The following DAB2 variants were observed in gnomAD, a reference collection of about 807,000 sequenced individuals.
DAB2 encodes the protein disabled homolog 2.
A neutral mutation model predicts 71.6 loss-of-function variants in DAB2; 28 were observed. The ratio of observed to expected loss-of-function variants is 0.39; its 90% CI spans 0.29 to 0.54. The LOEUF (loss-of-function observed/expected upper bound fraction) is 0.54. Among genes scored for constraint, DAB2 ranks in the 20% least tolerant of loss-of-function variants. The probability of loss-of-function intolerance (pLI) is 0.68; values close to 1 mark genes in which losing one functional copy is unlikely to be tolerated. For missense variants in DAB2, 867 were observed against 928.8 expected, an observed-to-expected ratio of 0.93 and a Z score of 0.86; for synonymous variants, 345 against 339.7, an observed-to-expected ratio of 1.02 and a Z score of -0.17.
chr5:39,406,581 T>C (rs1266255285), intron 1 of DAB2, among the ~76,000 whole-genome samples: 1 of 152,208 alleles, frequency 6.6e-6, no homozygotes. Flanking sequence ...TTGGTATTTC[T>C]AGTTTTGAAG....
In DAB2 at chr5:39,403,108, G is replaced by A. The variant is rs73752511; in HGVS notation, c.-101-8687C>T. Among the ~76,000 whole-genome samples the A allele has an allele frequency of 4.2e-3, 632 of 152,264 alleles. 4 individuals carry two copies. Among genetic ancestry groups the A allele is most frequent in the African/African-American group, 0.014 (584 of 41,558 alleles). On this transcript the variant is annotated intron_variant, in intron 1 of 14. Coordinates refer to ENST00000320816, the MANE Select transcript of DAB2 (RefSeq NM_001343.4). ...ATACTGACCTATGTGAGGTGCGATG[G>A]TTTACTTTAACAACGCTTTATCTGC...
Position 39,376,951 on chromosome 5 carries a change from G to C in DAB2, c.1836C>G (p.His612Gln), listed in dbSNP as rs750353876. 20 of 1,614,036 alleles carry C rather than the reference G, an allele frequency of 1.2e-5. No individual in the cohort carries two copies. In the Admixed American group the frequency reaches 3.3e-4, roughly 27 times the overall value. The change falls in exon 12 of 15, where the codon CAC becomes CAG. Residue 612 changes from histidine (H) to glutamine (Q), a missense_variant. By Grantham distance (24) the His-to-Gln change is conservative. Around this residue, in one of 2 missense-constraint regions of DAB2, gnomAD observed 740 missense variants for 734.3 expected, o/e 1.01. Coordinates refer to ENST00000320816, the MANE Select transcript of DAB2 (RefSeq NM_001343.4). ...PAVSTQPPSMHSSLLVTPPQP... is the reference protein window; with the variant it reads ...PAVSTQPPSMQSSLLVTPPQP... ...GAGGAGGAGTGACCAGGAGAGAGGA[G>C]TGCATGGATGGGGGCTGAGTGGACA...
chr5:39,408,201 G>A (rs954063154), intron 1 of DAB2, among the ~76,000 whole-genome samples: 1 of 152,224 alleles, frequency 6.6e-6, no homozygotes, highest in Non-Finnish European at 1.5e-5. Context: ...GGTGTACATA[G>A]TGATTGTATA....
Position 39,390,483 on chromosome 5 carries a change from T to C in DAB2, c.423A>G (p.Glu141=). Residue 141 remains glutamate (E), a synonymous_variant, in exon 5 of 15, where the codon GAA becomes GAG. Coordinates refer to ENST00000320816, the MANE Select transcript of DAB2 (RefSeq NM_001343.4). The part of the protein sequence containing the change: ...NRAFGYVCGG[E]GQHQFFAIKT... The stretch of plus-strand genomic sequence containing the variant: ...TTATGGCAAAAAACTGATGCTGGCC[T>C]TCTCCTCCACACACGTAACCAAATG... 1 of 1,614,144 alleles carries C rather than the reference T, an allele frequency of 6.2e-7. No homozygotes were observed. The highest frequency in any genetic ancestry group is 1.7e-5 in the Admixed American group (1 of 60,022).
intron 9 of DAB2, 89 bp from the exon 10 acceptor site, chr5:39,383,360 AG>A (rs1755028542): frequency 3.7e-6 from 4 of 1,092,330 alleles, no homozygotes; most frequent in Admixed American, 2.4e-5. Flanking sequence ...TAGGATTATC[AG>A]AATTTCCATT....
At chr5:39,393,630 C>T (rs2855511) in intron 2 of DAB2, among the ~76,000 whole-genome samples, 34,619 of 151,908 alleles carry the variant, frequency 0.23, 4,027 homozygotes, top group Admixed American at 0.29. Context: ...AAATTGACAG[C>T]GTTATGGGAA....
intron 9 of DAB2, chr5:39,385,158 T>C (rs1755070670): frequency 6.6e-6 from 1 of 152,088 alleles, no homozygotes; most frequent in African/African-American, 2.4e-5. Context: ...GAAGAATTTG[T>C]CACAAGAAAG....
At chr5:39,416,136 G>T (rs1488605341) in intron 1 of DAB2, among the ~76,000 whole-genome samples, 2 of 151,592 alleles carry the variant, frequency 1.3e-5, no homozygotes, top group Non-Finnish European at 2.9e-5. Flanking sequence ...TCCCTAAAAA[G>T]CTATACCACG....
intron 11 of DAB2, among the ~76,000 whole-genome samples, chr5:39,379,592 C>T (rs947876129): frequency 6.6e-6 from 1 of 151,932 alleles, no homozygotes; most frequent in Non-Finnish European, 1.5e-5. Context: ...AACACATTGA[C>T]AAAGTAGGGG....
intron 1 of DAB2, 98 bp from the exon 2 acceptor site, chr5:39,394,519 C>A (rs185552728): frequency 3.5e-6 from 2 of 571,808 alleles, no homozygotes; most frequent in African/African-American, 3.8e-5. Context: ...TTTTGTAGTT[C>A]TTTGGACTCA....
In DAB2 at chr5:39,389,086, T is replaced by C. The variant is rs778035184; in HGVS notation, c.570+11A>G. 6.8e-6 allele frequency: 11 copies of C among 1,612,614 alleles called. No homozygotes were observed. The highest frequency in any genetic ancestry group is 3.3e-5 in the South Asian group (3 of 90,896). On this transcript the variant is annotated intron_variant, in intron 7 of 14. Transcript: ENST00000320816. ...ACACATGATTAACAAGAAGTAAAGA[T>C]GCAATTTTACCTCAACTGCTTTGCT...
intron 4 of DAB2, 119 bp downstream of exon 4, chr5:39,392,246 T>C: frequency 1.4e-6 from 1 of 737,180 alleles, no homozygotes; most frequent in Non-Finnish European, 2.5e-6. Context: ...AGATGTAATA[T>C]ATGATATATT....
chr5:39,398,709 C>T (rs1755434053), intron 1 of DAB2, among the ~76,000 whole-genome samples: 1 of 152,138 alleles, frequency 6.6e-6, no homozygotes, highest in African/African-American at 2.4e-5. Context: ...AGACTTATTG[C>T]AAGATTTTAA....
chr5:39,381,712 C>T, intron 10 of DAB2, 96 bp from the exon 11 acceptor site: 1 of 1,383,872 alleles, frequency 7.2e-7, no homozygotes, highest in Non-Finnish European at 9.8e-7. Context: ...AATTTGAGAG[C>T]CACAAAAAGG....
intron 14 of DAB2, 64 bp downstream of exon 14, chr5:39,374,950 T>A: frequency 9.7e-7 from 1 of 1,028,352 alleles, no homozygotes; most frequent in Non-Finnish European, 1.5e-6. Context: ...ATTTCACTCT[T>A]TATTCCATGT....
chr5:39,407,077 CT>C (rs1197279604), intron 1 of DAB2, among the ~76,000 whole-genome samples: 1 of 152,186 alleles, frequency 6.6e-6, no homozygotes, highest in African/African-American at 2.4e-5. Flanking sequence ...CCATTCATAG[CT>C]TTTACTACAA....
At chr5:39,391,353 T>C (rs1561371201) in intron 4 of DAB2, among the ~76,000 whole-genome samples, 1 of 152,262 alleles carries the variant, frequency 6.6e-6, no homozygotes, top group East Asian at 1.9e-4. Flanking sequence ...TTAGAGTATC[T>C]TAGAAAGTTT....
intron 1 of DAB2, among the ~76,000 whole-genome samples, chr5:39,416,851 C>G (rs150242348): frequency 3.7e-4 from 56 of 152,198 alleles, no homozygotes; most frequent in African/African-American, 1.3e-3. Flanking sequence ...ATGAGCAGTG[C>G]GCTTAAAACA....
intron 9 of DAB2, chr5:39,387,770 T>C (rs1755134809): frequency 6.6e-6 from 1 of 152,114 alleles, no homozygotes; most frequent in Non-Finnish European, 1.5e-5. Context: ...TACAGGGTTG[T>C]TACAGATCAT....
Sources: gnomAD v4.1 joint callset for allele counts (sites outside exome capture counted in the v4.1 genomes callset) on GRCh38, gnomAD v4.1.1 for gene constraint, gnomAD v4.1.1 regional missense constraint, MANE v1.5 for transcripts, NCBI Gene and HGNC (gene_info 2026-07-23, HGNC 2026-07-21) for gene names.